DHRSX: variants seen among roughly 807,000 people sequenced by gnomAD.
DHRSX encodes polyprenol dehydrogenase.
A neutral mutation model predicts 34.0 loss-of-function variants in DHRSX; 31 were observed. The observed-to-expected ratio is 0.91, with a 90% confidence interval of 0.69 to 1.23. DHRSX has a LOEUF of 1.23. DHRSX is among the 50% of genes most tolerant of loss of function. The pLI is 0.00. For synonymous variants in DHRSX, 201 were observed against 183.8 expected, an observed-to-expected ratio of 1.09 and a Z score of -0.76; for missense variants, 414 against 428.1, an observed-to-expected ratio of 0.97 and a Z score of 0.29.
chrX:2,497,261 C>A (rs1458218824), intron 1 of DHRSX, among the ~76,000 whole-genome samples: 1 of 152,114 alleles, frequency 6.6e-6, no homozygotes, highest in Non-Finnish European at 1.5e-5. Context: ...GGCATGGTGG[C>A]ACATGCCTGT....
chrX:2,432,170 G>C (rs2043934630), intron 1 of DHRSX, among the ~76,000 whole-genome samples: 1 of 151,914 alleles, frequency 6.6e-6, no homozygotes, highest in Non-Finnish European at 1.5e-5. Flanking sequence ...CTCCAGCCAG[G>C]GCGACAGAGC....
chrX:2,431,473 C>T (rs143577205), intron 1 of DHRSX, among the ~76,000 whole-genome samples: 2,335 of 152,226 alleles, frequency 0.015, 40 homozygotes, highest in African/African-American at 0.037. Context: ...GAATGACTTA[C>T]TTTCCCTTGG....
intron 3 of DHRSX, among the ~76,000 whole-genome samples, chrX:2,346,762 C>G (rs2042721218): frequency 6.6e-6 from 1 of 151,986 alleles, no homozygotes; most frequent in Non-Finnish European, 1.5e-5. Flanking sequence ...AACCCGTCAT[C>G]TACATTAGGT....
At chrX:2,430,076 A>C (rs192258314) in intron 1 of DHRSX, among the ~76,000 whole-genome samples, 1 of 151,898 alleles carries the variant, frequency 6.6e-6, no homozygotes, top group African/African-American at 2.4e-5. Context: ...TGCAAAACCT[A>C]TATCAGGAAA....
rs778152771 is a variant in DHRSX at position 2,287,145 on chromosome X, G to A, written c.388+4357C>T. 5.3e-5 allele frequency among the ~76,000 whole-genome samples: 8 copies of A among 152,318 alleles called. No individual in the cohort carries two copies. In the South Asian group the frequency reaches 1.0e-3, roughly 20 times the overall value. On this transcript the variant is annotated intron_variant, in intron 4 of 6. Transcript: ENST00000334651. ...TTATTATTTTATTTTTCCTGCAAGC[G>A]AAGTATGTGAAGGGCAGAGTAGGTA... is the stretch of plus-strand genomic sequence containing the variant.
intron 1 of DHRSX, among the ~76,000 whole-genome samples, chrX:2,479,485 G>C (rs1165942703): frequency 6.6e-6 from 1 of 151,410 alleles, no homozygotes; most frequent in African/African-American, 2.4e-5. Flanking sequence ...TGTGGCTACG[G>C]GACCACCGTG....
chrX:2,451,916 C>A (rs1225811705), intron 1 of DHRSX, among the ~76,000 whole-genome samples: 1 of 150,466 alleles, frequency 6.6e-6, no homozygotes, highest in Non-Finnish European at 1.5e-5. Flanking sequence ...GTTCCCTAGG[C>A]ATGTGGCTAA....
intron 3 of DHRSX, among the ~76,000 whole-genome samples, chrX:2,326,352 G>A (rs749373903): frequency 1.3e-5 from 2 of 151,932 alleles, no homozygotes; most frequent in East Asian, 1.9e-4. Context: ...GTGAAACCCC[G>A]TCTCTACTAA....
intron 1 of DHRSX, among the ~76,000 whole-genome samples, chrX:2,485,223 A>G (rs894632148): frequency 3.3e-5 from 5 of 152,182 alleles, no homozygotes; most frequent in African/African-American, 9.7e-5. Flanking sequence ...CTCAAGGACT[A>G]GAATTACTCC....
intron 2 of DHRSX, 55 bp downstream of exon 2, chrX:2,425,142 G>A (rs866776554): frequency 4.2e-5 from 52 of 1,225,466 alleles, no homozygotes; most frequent in African/African-American, 1.1e-4. Context: ...TCCTGTCTCA[G>A]AAAAAAAAAA....
chrX:2,253,633 A>G (rs2016494336), intron 5 of DHRSX, among the ~76,000 whole-genome samples: 1 of 152,272 alleles, frequency 6.6e-6, no homozygotes, highest in South Asian at 2.1e-4. Context: ...TTCCTGTTGA[A>G]TAAGAAACTG....
chrX:2,489,725 A>T (rs1251488241), intron 1 of DHRSX: 1 of 1,613,078 alleles, frequency 6.2e-7, no homozygotes, highest in South Asian at 1.1e-5. Flanking sequence ...CTTCTCATAG[A>T]GCATGTACAT....
chrX:2,245,553 G>A (rs1040638539), intron 5 of DHRSX, among the ~76,000 whole-genome samples: 2 of 150,610 alleles, frequency 1.3e-5, no homozygotes, highest in Non-Finnish European at 1.5e-5. Flanking sequence ...CAGGTGATCC[G>A]CCTGCCTCGG....
intron 3 of DHRSX, among the ~76,000 whole-genome samples, chrX:2,342,464 C>T (rs1219962241): frequency 6.6e-6 from 1 of 152,084 alleles, no homozygotes; most frequent in Non-Finnish European, 1.5e-5. Context: ...TTCGACGGTG[C>T]CCAGCAAGCC....
intron 1 of DHRSX, among the ~76,000 whole-genome samples, chrX:2,498,727 C>T (rs2045342716): frequency 6.6e-6 from 1 of 152,036 alleles, no homozygotes; most frequent in Non-Finnish European, 1.5e-5. Context: ...ACCCCGGCCT[C>T]TTCTGCCAGG....
At chrX:2,492,655 G>A (rs2045182882) in intron 1 of DHRSX, among the ~76,000 whole-genome samples, 1 of 151,464 alleles carries the variant, frequency 6.6e-6, no homozygotes, top group Non-Finnish European at 1.5e-5. Context: ...CAGACACAGA[G>A]AAGGCCACAT....
chrX:2,226,990 C>A (rs1569476465), intron 6 of DHRSX, among the ~76,000 whole-genome samples: 1 of 150,882 alleles, frequency 6.6e-6, no homozygotes. Context: ...AGTCAGCCTT[C>A]CTCCTGCTGA....
intron 6 of DHRSX, among the ~76,000 whole-genome samples, chrX:2,242,778 A>G (rs928518308): frequency 6.6e-6 from 1 of 152,026 alleles, no homozygotes; most frequent in Non-Finnish European, 1.5e-5. Flanking sequence ...CTCGTTTAGC[A>G]TATCATCAAG....
intron 3 of DHRSX, among the ~76,000 whole-genome samples, chrX:2,307,049 A>C (rs2042106702): frequency 6.6e-6 from 1 of 152,002 alleles, no homozygotes; most frequent in Non-Finnish European, 1.5e-5. Context: ...GGCATGAGGG[A>C]ATCAGCCCAG....
Sources: gnomAD v4.1 joint callset for allele counts (sites outside exome capture counted in the v4.1 genomes callset) on GRCh38, gnomAD v4.1.1 for gene constraint, MANE v1.5 for transcripts, NCBI Gene and HGNC (gene_info 2026-07-23, HGNC 2026-07-21) for gene names.